Variants in UROC1 observed in about 807,000 individuals in gnomAD.
UROC1 encodes the protein urocanate hydratase 1.
In UROC1, 79 loss-of-function variants were observed where a neutral mutation model predicts 89.5. The ratio of observed to expected loss-of-function variants is 0.88; its 90% CI spans 0.74 to 1.06. UROC1 has a LOEUF of 1.06. Ranked by LOEUF, UROC1 falls within the 50% of genes least tolerant of loss-of-function variation. The pLI is 0.00. For synonymous variants in UROC1, 361 were observed against 354.8 expected, an observed-to-expected ratio of 1.02 and a Z score of -0.20; for missense variants, 885 against 907.8, an observed-to-expected ratio of 0.97 and a Z score of 0.32.
chr3:126,507,782 G>A lies in UROC1; in HGVS notation c.562C>T (p.Arg188Trp), dbSNP rs34488036. The change falls in exon 6 of 20, where the codon CGG (arginine) becomes TGG (tryptophan). Residue 188 changes from arginine to tryptophan, a missense_variant. Physicochemically the swap from Arg to Trp is moderately radical, Grantham distance 101. Transcript: ENST00000290868. Reference protein sequence around the residue: ...NGMVIPNYSSRTEYEKLFALG... With the variant: ...NGMVIPNYSSWTEYEKLFALG... Reference sequence around the variant, plus strand: ...GCAAAGAGCTTCTCATACTCCGTCCGGGAGGAGTAGTTGGGAATGACCTGG... The same window carrying A: ...GCAAAGAGCTTCTCATACTCCGTCCAGGAGGAGTAGTTGGGAATGACCTGG... 11,070 of 1,614,140 alleles carry A rather than the reference G, an allele frequency of 6.9e-3. 57 individuals carry two copies. Among genetic ancestry groups the A allele is most frequent in the Non-Finnish European group, 8.3e-3 (9,736 of 1,180,026 alleles).
chr3:126,507,297 A>T (rs1294327318), intron 6 of UROC1, among the ~76,000 whole-genome samples: 1 of 152,140 alleles, frequency 6.6e-6, no homozygotes, highest in African/African-American at 2.4e-5. Context: ...AAAAGAAAAA[A>T]AACATAAACA....
At chr3:126,517,451 C>T in intron 1 of UROC1, 143 bp downstream of exon 1, 2 of 1,279,336 alleles carry the variant, frequency 1.6e-6, no homozygotes, top group Non-Finnish European at 2.2e-6. Flanking sequence ...GTGCATTGCA[C>T]CCGCACAGGC....
chr3:126,484,755 G>A (rs1935474130), intron 18 of UROC1, among the ~76,000 whole-genome samples: 1 of 152,188 alleles, frequency 6.6e-6, no homozygotes, highest in Non-Finnish European at 1.5e-5. Flanking sequence ...GGCAGTCCAT[G>A]GCCTGCAGTG....
chr3:126,511,711 C>G (rs932287044), intron 1 of UROC1, among the ~76,000 whole-genome samples: 18 of 152,240 alleles, frequency 1.2e-4, no homozygotes, highest in Non-Finnish European at 2.5e-4. Flanking sequence ...GAAGCTCAAT[C>G]TGTTCTGAAA....
At chr3:126,508,174 T>A (rs1231763897) in intron 4 of UROC1, 79 bp from the exon 5 acceptor site, 30 of 1,610,764 alleles carry the variant, frequency 1.9e-5, no homozygotes, top group Non-Finnish European at 2.5e-5. Flanking sequence ...CGTCCACGCC[T>A]GGACAGCTCC....
chr3:126,482,035 G>C lies in UROC1; in HGVS notation c.*310C>G. Reference sequence around the variant, plus strand: ...AGGGTGTGATCATCCCAGCCGGAGAGAGCTTGACCAGTGTTCACCGCAGGG... The same window carrying C: ...AGGGTGTGATCATCCCAGCCGGAGACAGCTTGACCAGTGTTCACCGCAGGG... On this transcript the variant is annotated 3_prime_UTR_variant, in exon 20 of 20. Coordinates refer to ENST00000290868, the MANE Select transcript of UROC1 (RefSeq NM_144639.3). 1 of 423,374 alleles carries C rather than the reference G, an allele frequency of 2.4e-6. No individual in the cohort carries two copies. Among genetic ancestry groups the C allele is most frequent in the Non-Finnish European group, 4.4e-6 (1 of 229,382 alleles). 26.2% of individuals were successfully genotyped at this position (423,374 alleles called of 1,614,324 possible). A position where few individuals can be genotyped will look rare whatever the true frequency, so the allele number is the denominator to read the frequency against.
At position 126,498,117 on chromosome 3, in the gene UROC1, G is replaced by A. The variant is rs775049475; in HGVS notation, c.1372C>T (p.Pro458Ser). The A allele has an allele frequency of 8.1e-6, 13 of 1,614,050 alleles. No individual in the cohort carries two copies. The highest frequency in any genetic ancestry group is 1.7e-5 in the Admixed American group (1 of 60,008). ...TCGTCTGTGACCGCCAGGTCCTGGGGGTCCCCCGATGTGCACACCCAGCGG... is the reference window on the plus strand; with the variant it reads ...TCGTCTGTGACCGCCAGGTCCTGGGAGTCCCCCGATGTGCACACCCAGCGG... ...PFRWVCTSGD[P>S]QDLAVTDELA... is the part of the protein sequence containing the mutation. The change falls in exon 14 of 20, where the codon CCC becomes TCC. Residue 458 changes from proline to serine, a missense_variant. Transcript: ENST00000290868.
chr3:126,509,216 A>G (rs1041673619), intron 3 of UROC1, among the ~76,000 whole-genome samples: 4 of 151,096 alleles, frequency 2.6e-5, no homozygotes, highest in African/African-American at 9.7e-5. Context: ...AGCCTGGGCC[A>G]CAGAGTGAGA....
rs967185179 is a variant in UROC1 at position 126,499,557 on chromosome 3, G to A, written c.1244-148C>T. 47 of 829,134 alleles carry A rather than the reference G, an allele frequency of 5.7e-5. No homozygotes were observed. In the Middle Eastern group the frequency reaches 6.6e-4, roughly 12 times the overall value. The allele number at this position is 829,134 out of a possible 1,614,324, so 51.4% of individuals were successfully genotyped here. On this transcript the variant is annotated intron_variant, in intron 12 of 19. Transcript: ENST00000290868. ...AAAGAAGAGAAAAGCAGGGGCAGCC[G>A]TGGCCAGCATGCTGCTGTCTGTGTG...
At position 126,517,639 on chromosome 3, in the gene UROC1, G is replaced by A. The variant is rs759338101; in HGVS notation, c.81C>T (p.Pro27=). ...PENRGRQAGV[P]HAPVRTPSLS... Reference sequence around the variant, plus strand: ...GGCTGGGGGTCCTGACAGGGGCATGGGGCACCCCAGCCTGGCGTCCCCGGT... The same window carrying A: ...GGCTGGGGGTCCTGACAGGGGCATGAGGCACCCCAGCCTGGCGTCCCCGGT... Residue 27 remains proline, a synonymous_variant, in exon 1 of 20, where the codon CCC becomes CCT. Coordinates refer to ENST00000290868, the MANE Select transcript of UROC1 (RefSeq NM_144639.3). The A allele has an allele frequency of 6.2e-7, 1 of 1,611,364 alleles. No individual in the cohort carries two copies. The highest frequency in any genetic ancestry group is 1.3e-5 in the African/African-American group (1 of 74,894).
At chr3:126,509,785 G>C in intron 2 of UROC1, 107 bp from the exon 3 acceptor site, 2 of 1,060,240 alleles carry the variant, frequency 1.9e-6, no homozygotes, top group South Asian at 2.7e-5. Context: ...CCGGACACGG[G>C]GCCTGCAGAA....
chr3:126,489,289 A>G lies in UROC1; in HGVS notation c.1695T>C (p.Ser565=). The change falls in exon 17 of 20, where the codon TCT becomes TCC. Residue 565 remains serine, a synonymous_variant. Transcript: ENST00000290868. Reference sequence around the variant, plus strand: ...CATCTTCCTCACCTGCACAGAAGGCAGAGCCGTCGTAAATGTTGGAGGTCT... The same window carrying G: ...CATCTTCCTCACCTGCACAGAAGGCGGAGCCGTCGTAAATGTTGGAGGTCT... ...FRETSNIYDG[S]AFCADMAVQN... 6.2e-7 allele frequency: 1 copy of G among 1,613,724 alleles called. No homozygotes were observed.
At position 126,482,177 on chromosome 3, in the gene UROC1, CTG is replaced by C. The variant is rs1935403174; in HGVS notation, c.*166_*167del. On this transcript the variant is annotated 3_prime_UTR_variant, in exon 20 of 20. Coordinates refer to ENST00000290868, the MANE Select transcript of UROC1 (RefSeq NM_144639.3). ...ATGTCTCTGGGCCTCAGGGGGCTGTCTGTAAAATGAGGCTGTGGTGGCACCCT... is the reference window on the plus strand; with the variant it reads ...ATGTCTCTGGGCCTCAGGGGGCTGTCTAAAATGAGGCTGTGGTGGCACCCT... 7 of 929,616 alleles carry C rather than the reference CTG, an allele frequency of 7.5e-6. No individual in the cohort carries two copies. The East Asian group carries it at 1.5e-4, about 20-fold the overall frequency. 57.6% of individuals were successfully genotyped at this position (929,616 alleles called of 1,614,324 possible). A position where few individuals can be genotyped will look rare whatever the true frequency, so the allele number is the denominator to read the frequency against.
Position 126,493,095 on chromosome 3 carries a change from C to T in UROC1, c.1510-579G>A, listed in dbSNP as rs1241254324. 2.0e-5 allele frequency among the ~76,000 whole-genome samples: 3 copies of T among 152,242 alleles called. No homozygotes were observed. In the South Asian group the frequency reaches 6.2e-4, roughly 32 times the overall value. On this transcript the variant is annotated intron_variant, in intron 15 of 19. Transcript: ENST00000290868. Reference sequence around the variant, plus strand: ...CTGCTGCACCCACGAGCTCAGCCACCCAGTGATCGCATCTCCTGACAGTAA... The same window carrying T: ...CTGCTGCACCCACGAGCTCAGCCACTCAGTGATCGCATCTCCTGACAGTAA...
chr3:126,500,594 G>C (rs1935895117), intron 11 of UROC1, 101 bp downstream of exon 11: 1 of 1,485,334 alleles, frequency 6.7e-7, no homozygotes, highest in South Asian at 1.1e-5. Context: ...TCTTGCCCAA[G>C]GCCAAGCAGC....
chr3:126,501,329 G>A lies in UROC1; in HGVS notation c.903-49C>T, dbSNP rs199955635. On this transcript the variant is annotated intron_variant, in intron 9 of 19. Coordinates refer to ENST00000290868, the MANE Select transcript of UROC1 (RefSeq NM_144639.3). The stretch of plus-strand genomic sequence containing the variant: ...AGGTGCCCCCTGCACCTGTGCATAG[G>A]TGCCCCAGACACACCTGCACCCCAG... 1,081 of 1,610,806 alleles carry A rather than the reference G, an allele frequency of 6.7e-4. 11 individuals carry two copies. The highest frequency in any genetic ancestry group is 5.3e-5 in the Non-Finnish European group (62 of 1,177,948).
rs1045787843 is a variant in UROC1 at position 126,509,645 on chromosome 3, C to T, written c.291G>A (p.Thr97=). 1.5e-5 allele frequency: 23 copies of T among 1,552,174 alleles called. No individual in the cohort carries two copies. The highest frequency in any genetic ancestry group is 1.4e-4 in the African/African-American group (10 of 73,134). Residue 97 remains threonine (T), a synonymous_variant, in exon 3 of 20, where the codon ACG becomes ACA. Coordinates refer to ENST00000290868, the MANE Select transcript of UROC1 (RefSeq NM_144639.3). ...TGTGCATGATGGCGGCAGCCACTTT[C>T]GTCTGGCAGGGGTACTGCTCAATCG... ...AYPIEQYPCQ[T]KVAAAIMHMI...
chr3:126,488,374 A>G, intron 17 of UROC1, 95 bp from the exon 18 acceptor site: 1 of 1,449,702 alleles, frequency 6.9e-7, no homozygotes, highest in Non-Finnish European at 9.7e-7. Flanking sequence ...CAGCACTGCT[A>G]GGCCAGAAGG....
chr3:126,482,038 C>A lies in UROC1; in HGVS notation c.*307G>T. ...GTGTGATCATCCCAGCCGGAGAGAG[C>A]TTGACCAGTGTTCACCGCAGGGCCC... On this transcript the variant is annotated 3_prime_UTR_variant, in exon 20 of 20. Transcript: ENST00000290868. The A allele has an allele frequency of 2.3e-6, 1 of 429,948 alleles. No homozygotes were observed. The highest frequency in any genetic ancestry group is 4.3e-6 in the Non-Finnish European group (1 of 233,114). The allele number at this position is 429,948 out of a possible 1,614,324, so 26.6% of individuals were successfully genotyped here. A position where few individuals can be genotyped will look rare whatever the true frequency, so the allele number is the denominator to read the frequency against.
Sources: allele counts gnomAD v4.1 joint callset (sites outside exome capture counted in the v4.1 genomes callset), GRCh38; gene constraint gnomAD v4.1.1; transcripts MANE v1.5; gene names NCBI Gene and HGNC (gene_info 2026-07-23, HGNC 2026-07-21).